The following UMODL1 variants were observed in gnomAD, a reference collection of about 807,000 sequenced individuals.
The protein encoded by UMODL1 is uromodulin-like 1.
Under a neutral mutation model 136.3 loss-of-function variants are expected in UMODL1, and 128 were observed. The ratio of observed to expected loss-of-function variants is 0.94; its 90% CI spans 0.81 to 1.09. The LOEUF (loss-of-function observed/expected upper bound fraction) is 1.09, where lower values mean the gene tolerates loss of function less well. Ranked by LOEUF, UMODL1 falls within the 50% of genes least tolerant of loss-of-function variation. UMODL1 has a pLI of 0.00. For missense variants in UMODL1, 1,766 were observed against 1,725.6 expected, an observed-to-expected ratio of 1.02 and a Z score of -0.41; for synonymous variants, 721 against 720.0, an observed-to-expected ratio of 1.00 and a Z score of -0.02.
In UMODL1 at chr21:42,119,095, G is replaced by A. The variant is rs968046147; in HGVS notation, c.2476-16G>A. The A allele has an allele frequency of 6.2e-7, 1 of 1,610,126 alleles. No homozygotes were observed. Among genetic ancestry groups the A allele is most frequent in the African/African-American group, 1.3e-5 (1 of 74,808 alleles). ...CTCAGCGTGGGGACCTCCTCACATGGCCTCTTTCCCCGCAGGTGCGGGGCT... is the reference window on the plus strand; with the variant it reads ...CTCAGCGTGGGGACCTCCTCACATGACCTCTTTCCCCGCAGGTGCGGGGCT... On this transcript the variant is annotated splice_polypyrimidine_tract_variant and intron_variant, in intron 14 of 22. Transcript: ENST00000408910.
rs1328738654 is a variant in UMODL1 at position 42,078,146 on chromosome 21, C to T, written c.319+1899C>T. On this transcript the variant is annotated intron_variant, in intron 2 of 22. Coordinates refer to ENST00000408910, the MANE Select transcript of UMODL1 (RefSeq NM_001004416.3). ...ACCTCCATCACCAACAGAAACCAGG[C>T]AGGGCCAGCTGACCCCAGAGCAACA... Among the ~76,000 whole-genome samples the T allele has an allele frequency of 9.3e-5, 14 of 149,740 alleles. No homozygotes were observed. The East Asian group carries it at 1.7e-3, about 19-fold the overall frequency.
rs894384121 is a variant in UMODL1, at chr21:42,122,376, C to T, written c.2828-455C>T. 7.2e-5 allele frequency among the ~76,000 whole-genome samples: 11 copies of T among 152,158 alleles called. No homozygotes were observed. The highest frequency in any genetic ancestry group is 2.1e-4 in the South Asian group (1 of 4,832). ...GCACAAGGACCTCAAGAGGAGGCAT[C>T]ATTACCCCATCTTAGAGAATAGACT... On this transcript the variant is annotated intron_variant, in intron 16 of 22. Transcript: ENST00000408910. This position sits in a 1 kb window ranked among gnomAD's most constrained non-coding sequence, Gnocchi z 4.3.
rs146464663 is a variant in UMODL1, at chr21:42,139,460, A to G, written c.*21+1819A>G. Among the ~76,000 whole-genome samples the G allele has an allele frequency of 5.8e-4, 88 of 152,290 alleles. 1 individual carries two copies. Among genetic ancestry groups the G allele is most frequent in the Admixed American group, 3.4e-3 (52 of 15,306 alleles). ...AAATCATTTATGAAGGATCCGCCCC[A>G]TGATCCAACCACCTCCCACCAGGCC... On this transcript the variant is annotated intron_variant, in intron 22 of 22. Transcript: ENST00000408910.
intron 9 of UMODL1, among the ~76,000 whole-genome samples, chr21:42,107,615 T>C (rs2066740573): frequency 6.6e-6 from 1 of 152,192 alleles, no homozygotes; most frequent in African/African-American, 2.4e-5. Context: ...GATGAGGTGC[T>C]CTGTGCCCTC....
chr21:42,083,558 C>T (rs902643111), intron 2 of UMODL1, among the ~76,000 whole-genome samples: 1 of 152,248 alleles, frequency 6.6e-6, no homozygotes, highest in Non-Finnish European at 1.5e-5. Context: ...AGCCCCTCTC[C>T]AGAGTGTCCT....
chr21:42,072,444 G>A (rs557944135), intron 1 of UMODL1, among the ~76,000 whole-genome samples: 5 of 152,350 alleles, frequency 3.3e-5, no homozygotes, highest in African/African-American at 9.6e-5. Flanking sequence ...TTTCCCATTG[G>A]AACAGGTAAT....
chr21:42,105,937 G>A (rs983265005), intron 9 of UMODL1, among the ~76,000 whole-genome samples: 8 of 152,222 alleles, frequency 5.3e-5, no homozygotes, highest in African/African-American at 1.9e-4. Flanking sequence ...TCCCCACGCT[G>A]TTCAGTGGTC....
At chr21:42,066,362 A>C (rs1601162281), upstream of UMODL1, among the ~76,000 whole-genome samples, 2 of 152,306 alleles carry the variant, frequency 1.3e-5, no homozygotes, top group South Asian at 4.1e-4. Context: ...GGCTCACTGC[A>C]ACCTCCACCT....
In UMODL1 at chr21:42,119,164, C is replaced by A; in HGVS notation, c.2529C>A (p.Val843=). ...TMCQHMDAGG[V]RMEVVSVTNG... ...GTCAGCACATGGACGCTGGTGGGGT[C>A]AGGATGGAAGTCGTCAGCGTCACCA... Residue 843 remains valine (V), a synonymous_variant, in exon 15 of 23, where the codon GTC becomes GTA. Transcript: ENST00000408910. The A allele has an allele frequency of 6.2e-7, 1 of 1,614,036 alleles. No individual in the cohort carries two copies. The highest frequency in any genetic ancestry group is 8.5e-7 in the Non-Finnish European group (1 of 1,179,994).
chr21:42,086,465 A>G, intron 4 of UMODL1: 1 of 453,074 alleles, frequency 2.2e-6, no homozygotes, highest in Non-Finnish European at 4.4e-6. Flanking sequence ...GTGAGCTGCT[A>G]GACAGGTAGT....
intron 1 of UMODL1, among the ~76,000 whole-genome samples, chr21:42,065,025 CCTT>C (rs2066171860): frequency 6.6e-6 from 1 of 152,168 alleles, no homozygotes; most frequent in African/African-American, 2.4e-5. Context: ...GGAATGTACA[CCTT>C]CTCTCTTTTC....
Position 42,084,180 on chromosome 21 carries a change from G to C in UMODL1, c.416G>C (p.Cys139Ser). Residue 139 changes from cysteine (C) to serine (S), a missense_variant, in exon 3 of 23, where the codon TGT becomes TCT. Physicochemically the swap from Cys to Ser is moderately radical, Grantham distance 112. Coordinates refer to ENST00000408910, the MANE Select transcript of UMODL1 (RefSeq NM_001004416.3). ...STSPCSLDID[C>S]PGLEKCCPWS... ...TCCCCCTGCAGCTTGGACATCGACTGTCCTGGACTTGAGAAGTGCTGCCCC... is the reference window on the plus strand; with the variant it reads ...TCCCCCTGCAGCTTGGACATCGACTCTCCTGGACTTGAGAAGTGCTGCCCC... 1 of 1,614,058 alleles carries C rather than the reference G, an allele frequency of 6.2e-7. No homozygotes were observed. The highest frequency in any genetic ancestry group is 2.2e-5 in the East Asian group (1 of 44,874).
At chr21:42,131,588 G>A (rs1268545558) in intron 21 of UMODL1, among the ~76,000 whole-genome samples, 2 of 82,652 alleles carry the variant, frequency 2.4e-5, no homozygotes, top group Non-Finnish European at 5.5e-5. Flanking sequence ...GCAGGAGGAG[G>A]GAGGTCTCGG....
Position 42,126,458 on chromosome 21 carries a change from G to T in UMODL1, c.3261G>T (p.Leu1087=). ...TCTACTGCGCCTTCCAGAATGACCT[G>T]CTGACATCCTCCGGCTTCACCCTGG... ...SPIYCAFQND[L]LTSSGFTLEW... Residue 1087 remains leucine (L), a synonymous_variant, in exon 18 of 23, where the codon CTG becomes CTT. Transcript: ENST00000408910. The T allele has an allele frequency of 1.2e-6, 2 of 1,614,238 alleles. No individual in the cohort carries two copies. The highest frequency in any genetic ancestry group is 1.7e-6 in the Non-Finnish European group (2 of 1,180,042).
At chr21:42,063,255 A>G (rs1457105330) in intron 1 of UMODL1, 3 of 152,292 alleles carry the variant, frequency 2.0e-5, no homozygotes, top group African/African-American at 7.2e-5. Flanking sequence ...AGGATTGGAC[A>G]TATCTTTTGC....
chr21:42,110,830 T>A (rs1163799591), intron 10 of UMODL1, 50 bp from the exon 11 acceptor site: 1 of 1,521,542 alleles, frequency 6.6e-7, no homozygotes. Flanking sequence ...GGAGGGCTCT[T>A]ACTCGTGGGT....
At chr21:42,110,831 A>T (rs1365871862) in intron 10 of UMODL1, 49 bp from the exon 11 acceptor site, 1 of 1,520,462 alleles carries the variant, frequency 6.6e-7, no homozygotes, top group Non-Finnish European at 8.9e-7. Context: ...GAGGGCTCTT[A>T]CTCGTGGGTG....
At chr21:42,071,769 C>T (rs117876180) in intron 1 of UMODL1, among the ~76,000 whole-genome samples, 3,171 of 151,774 alleles carry the variant, frequency 0.021, 42 homozygotes, top group Middle Eastern at 0.058. Flanking sequence ...ACAGTGAGCT[C>T]CTACAGACGC....
At chr21:42,136,053 T>C (rs1451429176) in intron 21 of UMODL1, among the ~76,000 whole-genome samples, 3 of 152,092 alleles carry the variant, frequency 2.0e-5, no homozygotes, top group Non-Finnish European at 2.9e-5. Flanking sequence ...TGGTGCAGGA[T>C]GTGGCTGTGA....
Sources: allele counts gnomAD v4.1 joint callset (sites outside exome capture counted in the v4.1 genomes callset), GRCh38; gene constraint gnomAD v4.1.1; non-coding constraint Gnocchi (gnomAD v3.1); transcripts MANE v1.5; gene names NCBI Gene and HGNC (gene_info 2026-07-23, HGNC 2026-07-21).